The following NHS variants were observed in gnomAD, a reference collection of about 807,000 sequenced individuals.
NHS encodes the protein actin remodeling regulator NHS.
In NHS, 5 loss-of-function variants were observed where a neutral mutation model predicts 72.5. The observed-to-expected ratio is 0.07, with a 90% CI of 0.04 to 0.14. The LOEUF (loss-of-function observed/expected upper bound fraction) is 0.14, where lower values mean the gene tolerates loss of function less well. Among genes scored for constraint, NHS ranks in the 10% least tolerant of loss-of-function variants. NHS has a pLI of 1.00. For synonymous variants in NHS, 464 were observed against 547.7 expected (o/e 0.85, Z 2.13); for missense variants, 1,072 against 1,355.7 (o/e 0.79, Z 3.29).
intron 1 of NHS, among the ~76,000 whole-genome samples, chrX:17,662,786 A>C (rs1278275967): frequency 8.9e-6 from 1 of 112,212 alleles, no homozygotes; most frequent in African/African-American, 3.2e-5. Context: ...CTTTTGGTCT[A>C]TCTCACCACA....
intron 1 of NHS, among the ~76,000 whole-genome samples, chrX:17,549,219 A>AGGGCCAG (rs200850460): frequency 1.6e-3 from 154 of 96,691 alleles, no homozygotes; most frequent in African/African-American, 5.1e-3. Flanking sequence ...CTGCCAGGCC[A>AGGGCCAG]GGCCAGGGCC....
intron 1 of NHS, among the ~76,000 whole-genome samples, chrX:17,630,589 T>C (rs1375614524): frequency 9.0e-6 from 1 of 111,027 alleles, no homozygotes; most frequent in Admixed American, 9.5e-5. Flanking sequence ...AGCTCTGTGG[T>C]GCATTTTGTG....
At chrX:17,626,741 C>T (rs1371795816) in intron 1 of NHS, among the ~76,000 whole-genome samples, 1 of 112,135 alleles carries the variant, frequency 8.9e-6, no homozygotes, top group Non-Finnish European at 1.9e-5. Flanking sequence ...GAAAATGCAG[C>T]TCTGAGGTTA....
At chrX:17,495,855 G>C (rs1474804920) in intron 1 of NHS, among the ~76,000 whole-genome samples, 1 of 111,683 alleles carries the variant, frequency 9.0e-6, no homozygotes, top group Non-Finnish European at 1.9e-5. Flanking sequence ...AAGTCACACA[G>C]AGAATGGTGA....
At chrX:17,665,415 C>T (rs1165927861) in intron 1 of NHS, among the ~76,000 whole-genome samples, 1 of 103,122 alleles carries the variant, frequency 9.7e-6, no homozygotes, top group Non-Finnish European at 2.0e-5. Flanking sequence ...CAGGCTCCGC[C>T]CCCTGGGGTT....
chrX:17,541,462 G>T lies in NHS; in HGVS notation c.566-146280G>T, dbSNP rs73443624. On this transcript the variant is annotated intron_variant, in intron 1 of 8. Coordinates refer to ENST00000676302, the MANE Select transcript of NHS (RefSeq NM_001291867.2). Reference sequence around the variant, plus strand: ...TGAACAGCTTAGTAACATACTGGGAGTGGGAGTGGTGATACAGCCCACTCT... The same window carrying T: ...TGAACAGCTTAGTAACATACTGGGATTGGGAGTGGTGATACAGCCCACTCT... 9.6e-3 allele frequency among the ~76,000 whole-genome samples: 1,079 copies of T among 112,136 alleles called. 11 individuals carry two copies. The highest frequency in any genetic ancestry group is 0.033 in the African/African-American group (1,003 of 30,827).
Position 17,393,176 on chromosome X carries a change from T to A in NHS, c.565+16854T>A, listed in dbSNP as rs946965634. 5.4e-5 allele frequency among the ~76,000 whole-genome samples: 6 copies of A among 111,804 alleles called. No individual in the cohort carries two copies. In the Admixed American group the frequency reaches 5.7e-4, roughly 11 times the overall value. ...GCTGAATATACCTACACATTTCTGT[T>A]GGGTTAAAAACTTCTTTCCTTGAAG... On this transcript the variant is annotated intron_variant, in intron 1 of 8. Transcript: ENST00000676302.
intron 1 of NHS, among the ~76,000 whole-genome samples, chrX:17,667,300 A>G (rs2066018662): frequency 8.9e-6 from 1 of 112,376 alleles, no homozygotes; most frequent in African/African-American, 3.2e-5. Context: ...AGCTCCAGCC[A>G]GAAGCACAAA....
chrX:17,682,270 G>A (rs187389095), intron 1 of NHS, among the ~76,000 whole-genome samples: 1 of 112,110 alleles, frequency 8.9e-6, no homozygotes, highest in Non-Finnish European at 1.9e-5. Flanking sequence ...CTACCAAGCT[G>A]ATGGCTCCTG....
intron 1 of NHS, among the ~76,000 whole-genome samples, chrX:17,460,222 T>G (rs2064841525): frequency 8.9e-6 from 1 of 112,351 alleles, no homozygotes; most frequent in African/African-American, 3.2e-5. Context: ...AGCCTTTACA[T>G]TTTTCAGAGC....
intron 1 of NHS, among the ~76,000 whole-genome samples, chrX:17,485,181 C>G (rs1485137871): frequency 8.9e-6 from 1 of 112,441 alleles, no homozygotes; most frequent in Non-Finnish European, 1.9e-5. Context: ...CTACGTAGCA[C>G]CAGTCTCAAC....
intron 1 of NHS, among the ~76,000 whole-genome samples, chrX:17,597,430 C>CTCT (rs1556015455): frequency 2.1e-5 from 2 of 94,718 alleles, no homozygotes; most frequent in Admixed American, 2.3e-4. Context: ...TGGCTATTCT[C>CTCT]TTTTTTTTTT....
chrX:17,409,761 A>G (rs1216858930), intron 1 of NHS, among the ~76,000 whole-genome samples: 3 of 111,799 alleles, frequency 2.7e-5, no homozygotes, highest in Non-Finnish European at 5.6e-5. Flanking sequence ...TGGCTAAAGC[A>G]AGTCACATGG....
chrX:17,379,821 T>A (rs1001881658), intron 1 of NHS, among the ~76,000 whole-genome samples: 1 of 112,136 alleles, frequency 8.9e-6, no homozygotes, highest in Non-Finnish European at 1.9e-5. Context: ...TTACCATTTG[T>A]AGAAATGGGG....
At chrX:17,621,302 G>A (rs1004819339) in intron 1 of NHS, among the ~76,000 whole-genome samples, 2 of 112,098 alleles carry the variant, frequency 1.8e-5, no homozygotes, top group South Asian at 7.6e-4. Context: ...AGGAAGCTCC[G>A]AGGAAGAGTG....
intron 1 of NHS, among the ~76,000 whole-genome samples, chrX:17,421,593 TTGAGAC>T (rs1371826396): frequency 1.5e-4 from 17 of 111,176 alleles, no homozygotes; most frequent in Admixed American, 1.2e-3. Context: ...TATTTTATTT[TTGAGAC>T]AGAGTCTTGC....
chrX:17,447,239 T>G (rs2064785176), intron 1 of NHS, among the ~76,000 whole-genome samples: 1 of 112,205 alleles, frequency 8.9e-6, no homozygotes, highest in South Asian at 3.7e-4. Context: ...GACTTACCTT[T>G]AGGGTAGGGA....
intron 1 of NHS, among the ~76,000 whole-genome samples, chrX:17,525,075 T>A (rs2065166191): frequency 8.9e-6 from 1 of 112,391 alleles, no homozygotes; most frequent in African/African-American, 3.2e-5. Flanking sequence ...TTTGAAGCAG[T>A]CCTGTTCTGT....
At chrX:17,575,285 A>G (rs769998648) in intron 1 of NHS, among the ~76,000 whole-genome samples, 1 of 113,047 alleles carries the variant, frequency 8.8e-6, no homozygotes, top group Non-Finnish European at 1.9e-5. Flanking sequence ...AAGGCCCTGC[A>G]TGACCTGGCA....
Sources: allele counts gnomAD v4.1 joint callset (sites outside exome capture counted in the v4.1 genomes callset), GRCh38; gene constraint gnomAD v4.1.1; transcripts MANE v1.5; gene names NCBI Gene and HGNC (gene_info 2026-07-23, HGNC 2026-07-21).